The following FMC1 variants were observed in gnomAD, a reference collection of about 807,000 sequenced individuals.
FMC1 encodes the protein formation of mitochondrial complex V assembly factor 1.
A neutral mutation model predicts 10.5 loss-of-function variants in FMC1; 6 were observed. The observed-to-expected ratio is 0.57, with a 90% CI of 0.31 to 1.12. The LOEUF is 1.12. Ranked by LOEUF, FMC1 falls within the 50% of genes most tolerant of loss-of-function variation. FMC1 has a pLI of 0.05. For synonymous variants in FMC1, 59 were observed against 62.1 expected (o/e 0.95, Z 0.24); for missense variants, 146 against 151.7 (o/e 0.96, Z 0.20).
chr7:139,345,831 G>T lies in FMC1; in HGVS notation c.*127G>T. ...TGTAATTTTGTTTACTAGTTCTTAG[G>T]GGAATTAACTGGACATTTCATCTTT... On this transcript the variant is annotated 3_prime_UTR_variant, in exon 2 of 2. Transcript: ENST00000297534. 1 of 1,012,758 alleles carries T rather than the reference G, an allele frequency of 9.9e-7. No individual in the cohort carries two copies. Among genetic ancestry groups the T allele is most frequent in the Non-Finnish European group, 1.4e-6 (1 of 727,562 alleles). The allele number at this position is 1,012,758 out of a possible 1,614,324, so 62.7% of individuals were successfully genotyped here.
chr7:139,344,738 T>C (rs887337301), intron 1 of FMC1, among the ~76,000 whole-genome samples: 1 of 148,492 alleles, frequency 6.7e-6, no homozygotes, highest in African/African-American at 2.5e-5. Flanking sequence ...AGTCTCCTTC[T>C]GTTACCCAGA....
At position 139,341,518 on chromosome 7, in the gene FMC1, A is replaced by G. The variant is rs1798962950; in HGVS notation, c.134A>G (p.His45Arg). 1.2e-6 allele frequency: 2 copies of G among 1,612,260 alleles called. No homozygotes were observed. The highest frequency in any genetic ancestry group is 1.7e-6 in the Non-Finnish European group (2 of 1,178,748). ...TACCTTGTGAAGGCTTTCCGTGCAC[A>G]TCGGGTACGGGAGCCATGTCCCGGG... ...YRYLVKAFRA[H>R]RVTSEKLCRA... The change falls in exon 1 of 2, where the codon CAT becomes CGT. Residue 45 changes from histidine to arginine, a missense_variant. By Grantham distance (29) the His-to-Arg change is conservative. Transcript: ENST00000297534.
At chr7:139,341,832 G>T (rs1294739696) in intron 1 of FMC1, among the ~76,000 whole-genome samples, 1 of 152,210 alleles carries the variant, frequency 6.6e-6, no homozygotes, top group African/African-American at 2.4e-5. Context: ...TCAGGAAAGT[G>T]GAATGGAGGA....
chr7:139,345,372 T>C (rs1241942908), intron 1 of FMC1, 129 bp from the exon 2 acceptor site: 2 of 1,361,616 alleles, frequency 1.5e-6, no homozygotes, highest in South Asian at 2.9e-5. Flanking sequence ...TATACATGTA[T>C]ATACATACAT....
At chr7:139,342,523 T>A (rs1393645089) in intron 1 of FMC1, among the ~76,000 whole-genome samples, 1 of 152,136 alleles carries the variant, frequency 6.6e-6, no homozygotes, top group African/African-American at 2.4e-5. Context: ...GTAAGTGTAA[T>A]GGGAAGCCAT....
At chr7:139,340,592 G>T, upstream of FMC1, 1 of 397,440 alleles carries the variant, frequency 2.5e-6, no homozygotes, top group Admixed American at 4.4e-5. Flanking sequence ...CCCTCACGTG[G>T]GCGCTAGGTG....
chr7:139,345,293 C>CTTTTAAA (rs1799217597), intron 1 of FMC1, among the ~76,000 whole-genome samples: 1 of 152,136 alleles, frequency 6.6e-6, no homozygotes, highest in African/African-American at 2.4e-5. Flanking sequence ...CAATGCAACT[C>CTTTTAAA]CTTTTAAAAA....
At chr7:139,342,150 G>C (rs1173037893) in intron 1 of FMC1, among the ~76,000 whole-genome samples, 1 of 151,818 alleles carries the variant, frequency 6.6e-6, no homozygotes, top group Non-Finnish European at 1.5e-5. Context: ...TCTGTGCTAG[G>C]AACCTGGTCT....
Position 139,346,150 on chromosome 7 carries a change from T to G in FMC1, c.*446T>G, listed in dbSNP as rs2131148036. On this transcript the variant is annotated 3_prime_UTR_variant, in exon 2 of 2. Coordinates refer to ENST00000297534, the MANE Select transcript of FMC1 (RefSeq NM_197964.5). ...TACTCAGGAGGCTGGGACAGGAGAA[T>G]CGCTTGAACCCGGGAGGTGGAGGTT... 6.6e-6 allele frequency: 1 copy of G among 152,304 alleles called. No homozygotes were observed. Among genetic ancestry groups the G allele is most frequent in the Middle Eastern group, 3.4e-3 (1 of 296 alleles). The allele number at this position is 152,304 out of a possible 1,614,324, so 9.4% of individuals were successfully genotyped here.
At position 139,341,542 on chromosome 7, in the gene FMC1, G is replaced by C. The variant is rs1285693188; in HGVS notation, c.138+20G>C. 1.2e-5 allele frequency: 20 copies of C among 1,606,384 alleles called. No homozygotes were observed. The highest frequency in any genetic ancestry group is 1.7e-5 in the Non-Finnish European group (20 of 1,174,680). ...CATCGGGTACGGGAGCCATGTCCCG[G>C]GTGCTCTACGTGCTGGGGAGGGAGG... On this transcript the variant is annotated intron_variant, in intron 1 of 1. Coordinates refer to ENST00000297534, the MANE Select transcript of FMC1 (RefSeq NM_197964.5).
rs756259682 is a variant in FMC1, at chr7:139,341,412, A to G, written c.28A>G (p.Thr10Ala). MAALGSPSH[T>A]FRGLLRELRY... is the part of the protein sequence containing the mutation. Reference sequence around the variant, plus strand: ...GGCGGCCTTAGGGTCCCCGTCGCACACTTTTCGAGGACTTCTGCGGGAGTT... The same window carrying G: ...GGCGGCCTTAGGGTCCCCGTCGCACGCTTTTCGAGGACTTCTGCGGGAGTT... The change falls in exon 1 of 2, where the codon ACT becomes GCT. Residue 10 changes from threonine to alanine, a missense_variant. Coordinates refer to ENST00000297534, the MANE Select transcript of FMC1 (RefSeq NM_197964.5). 6.2e-7 allele frequency: 1 copy of G among 1,613,452 alleles called. No homozygotes were observed. Among genetic ancestry groups the G allele is most frequent in the Non-Finnish European group, 8.5e-7 (1 of 1,179,930 alleles).
chr7:139,345,377 A>G (rs1799222090), intron 1 of FMC1, 124 bp from the exon 2 acceptor site: 2 of 1,405,640 alleles, frequency 1.4e-6, no homozygotes, highest in South Asian at 1.4e-5. Context: ...ATGTATATAC[A>G]TACATGTCTG....
chr7:139,340,651 C>G (rs1216896322), upstream of FMC1: 2 of 396,094 alleles, frequency 5.0e-6, no homozygotes, highest in Non-Finnish European at 8.9e-6. Flanking sequence ...GATGACGTAC[C>G]AAAGAGGAAA....
intron 1 of FMC1, chr7:139,345,034 A>T (rs1254585153): frequency 6.5e-6 from 1 of 152,844 alleles, no homozygotes; most frequent in African/African-American, 2.4e-5. Flanking sequence ...TTTCATTGTA[A>T]TGAAAGGTAT....
upstream of FMC1, chr7:139,341,324 A>C: frequency 1.9e-6 from 3 of 1,560,988 alleles, no homozygotes; most frequent in East Asian, 6.9e-5. Context: ...CCTGGGCCGG[A>C]GGAGGGGTTT....
chr7:139,343,886 A>G (rs1482988898), intron 1 of FMC1, among the ~76,000 whole-genome samples: 2 of 137,522 alleles, frequency 1.5e-5, no homozygotes, highest in East Asian at 2.1e-4. Flanking sequence ...TGTTCACGCT[A>G]TTGCACTCCA....
chr7:139,344,715 T>C (rs868700760), intron 1 of FMC1, among the ~76,000 whole-genome samples: 7 of 126,414 alleles, frequency 5.5e-5, no homozygotes, highest in South Asian at 2.6e-4. Context: ...TTTTTTTTTT[T>C]TTGTTGAGAT....
chr7:139,342,285 A>G (rs1256330336), intron 1 of FMC1, among the ~76,000 whole-genome samples: 1 of 152,176 alleles, frequency 6.6e-6, no homozygotes, highest in Admixed American at 6.5e-5. Context: ...GGGCTGGGGT[A>G]TAAAGAAGGG....
upstream of FMC1, chr7:139,341,252 G>A (rs1043577319): frequency 4.6e-5 from 66 of 1,424,086 alleles, no homozygotes; most frequent in Non-Finnish European, 5.4e-5. Context: ...ACAAGTGAGC[G>A]GTTCCACTGC....
Sources: allele counts gnomAD v4.1 joint callset (sites outside exome capture counted in the v4.1 genomes callset), GRCh38; gene constraint gnomAD v4.1.1; transcripts MANE v1.5; gene names NCBI Gene and HGNC (gene_info 2026-07-23, HGNC 2026-07-21).